ZEB1: variants seen among roughly 807,000 people sequenced by gnomAD.
ZEB1 encodes the protein zinc finger E-box binding homeobox 1.
In ZEB1, 21 loss-of-function variants were observed where a neutral mutation model predicts 84.9. The ratio of observed to expected loss-of-function variants is 0.25; its 90% CI spans 0.18 to 0.36. The LOEUF (loss-of-function observed/expected upper bound fraction) is 0.36, where lower values mean the gene tolerates loss of function less well. Among genes scored for constraint, ZEB1 ranks in the 10% least tolerant of loss-of-function variants. ZEB1 has a pLI of 1.00. For synonymous variants in ZEB1, 420 were observed against 471.1 expected (o/e 0.89, Z 1.41); for missense variants, 1,104 against 1,330.2 (o/e 0.83, Z 2.65).
At chr10:31,394,338 C>T (rs1437764016) in intron 1 of ZEB1, among the ~76,000 whole-genome samples, 1 of 152,120 alleles carries the variant, frequency 6.6e-6, no homozygotes, top group African/African-American at 2.4e-5. Flanking sequence ...AGCCTTTGGG[C>T]TTTAGCTTGA....
chr10:31,382,006 C>CAAAAAAAAAAA (rs535534850), intron 1 of ZEB1, among the ~76,000 whole-genome samples: 12 of 40,782 alleles, frequency 2.9e-4, no homozygotes, highest in African/African-American at 4.5e-4. Flanking sequence ...GAGACTGTCT[C>CAAAAAAAAAAA]AAAAAAAAAA....
At chr10:31,357,205 C>A (rs1026810488) in intron 1 of ZEB1, among the ~76,000 whole-genome samples, 5 of 152,012 alleles carry the variant, frequency 3.3e-5, no homozygotes, top group Non-Finnish European at 7.4e-5. Context: ...AAACTAAGTT[C>A]AAAAAGAAAT....
At chr10:31,524,180 CTA>C in intron 8 of ZEB1, 67 bp downstream of exon 8, 3 of 1,414,720 alleles carry the variant, frequency 2.1e-6, no homozygotes, top group Non-Finnish European at 2.9e-6. Context: ...AAATTAAAAA[CTA>C]AAGTTTTAGA....
intron 1 of ZEB1, chr10:31,362,911 A>T: frequency 4.8e-6 from 7 of 1,463,446 alleles, no homozygotes; most frequent in Non-Finnish European, 6.5e-6. Context: ...GTTCTTACGC[A>T]TGTTGCCATG....
At chr10:31,347,658 C>A (rs2040543424) in intron 1 of ZEB1, among the ~76,000 whole-genome samples, 1 of 152,048 alleles carries the variant, frequency 6.6e-6, no homozygotes, top group Non-Finnish European at 1.5e-5. Context: ...TTTTAAATTT[C>A]TTCATTATAG....
chr10:31,513,597 G>C (rs894099958), intron 5 of ZEB1, among the ~76,000 whole-genome samples: 1 of 152,152 alleles, frequency 6.6e-6, no homozygotes, highest in Admixed American at 6.5e-5. Flanking sequence ...TTTCCTTCCT[G>C]TATAAAAGGC....
intron 2 of ZEB1, among the ~76,000 whole-genome samples, chr10:31,463,099 T>C (rs1230785152): frequency 6.6e-6 from 1 of 152,158 alleles, no homozygotes; most frequent in African/African-American, 2.4e-5. Flanking sequence ...AAGGGTTTCT[T>C]ATGTATTTCT....
At chr10:31,506,284 C>T (rs1618092) in intron 4 of ZEB1, among the ~76,000 whole-genome samples, 64,289 of 151,808 alleles carry the variant, frequency 0.42, 16,509 homozygotes, top group Admixed American at 0.58. Context: ...CACATCCATT[C>T]GGTATAAAAT....
intron 2 of ZEB1, among the ~76,000 whole-genome samples, chr10:31,488,478 A>G (rs1210833219): frequency 6.9e-6 from 1 of 144,456 alleles, no homozygotes; most frequent in Non-Finnish European, 1.5e-5. Flanking sequence ...AGTTTTGTCC[A>G]TTGCATTGAT....
intron 1 of ZEB1, among the ~76,000 whole-genome samples, chr10:31,451,632 A>T (rs2060579480): frequency 6.6e-6 from 1 of 152,232 alleles, no homozygotes; most frequent in African/African-American, 2.4e-5. Context: ...CAACACAAAA[A>T]GGAATCATCT....
chr10:31,449,589 C>A (rs955323903), intron 1 of ZEB1, among the ~76,000 whole-genome samples: 15 of 152,058 alleles, frequency 9.9e-5, no homozygotes, highest in Admixed American at 9.2e-4. Context: ...ATTTTCCCCC[C>A]ACTAATTTGC....
chr10:31,369,654 A>G (rs1260981146), intron 1 of ZEB1, among the ~76,000 whole-genome samples: 4 of 152,224 alleles, frequency 2.6e-5, no homozygotes, highest in East Asian at 1.9e-4. Flanking sequence ...TAATGCAACA[A>G]TGAACATAGG....
At chr10:31,440,029 A>G (rs1017458373) in intron 1 of ZEB1, among the ~76,000 whole-genome samples, 2 of 152,180 alleles carry the variant, frequency 1.3e-5, no homozygotes, top group Admixed American at 1.3e-4. Context: ...GAAGTGAGAG[A>G]TGATGGTACC....
rs77071653 is a variant in ZEB1 at position 31,498,177 on chromosome 10, T to C, written c.322+2339T>C. ...AAAGACCAGGACATTTGCTTTATAA[T>C]TGACCTTTTCAAGATGTGCATTTCC... On this transcript the variant is annotated intron_variant, in intron 3 of 8. Transcript: ENST00000424869. Among the ~76,000 whole-genome samples the C allele has an allele frequency of 8.0e-3, 1,211 of 152,192 alleles. 21 individuals are homozygous for C. Among genetic ancestry groups the C allele is most frequent in the African/African-American group, 0.028 (1,160 of 41,546 alleles).
chr10:31,511,920 G>A (rs2070122227), intron 5 of ZEB1, among the ~76,000 whole-genome samples: 1 of 152,134 alleles, frequency 6.6e-6, no homozygotes, highest in African/African-American at 2.4e-5. Context: ...AAGATAATAA[G>A]AAGAGGGTGG....
intron 1 of ZEB1, among the ~76,000 whole-genome samples, chr10:31,455,879 C>G (rs1056070919): frequency 3.2e-4 from 48 of 152,120 alleles, no homozygotes; most frequent in African/African-American, 1.1e-3. Context: ...ACTACAAATA[C>G]CATTTGACCC....
chr10:31,337,007 G>A (rs1352482157), intron 1 of ZEB1, among the ~76,000 whole-genome samples: 1 of 152,118 alleles, frequency 6.6e-6, no homozygotes, highest in African/African-American at 2.4e-5. Flanking sequence ...GGTAATGTAT[G>A]TAGTTGTTTA....
chr10:31,508,492 A>G (rs1258331563), intron 4 of ZEB1, among the ~76,000 whole-genome samples: 1 of 152,012 alleles, frequency 6.6e-6, no homozygotes, highest in Non-Finnish European at 1.5e-5. Flanking sequence ...TGCCAGCTGT[A>G]GTGATAGTAG....
chr10:31,415,298 T>C (rs2135906792), intron 1 of ZEB1, among the ~76,000 whole-genome samples: 1 of 152,242 alleles, frequency 6.6e-6, no homozygotes, highest in East Asian at 1.9e-4. Context: ...GATGATACCC[T>C]AAGAATTCTA....
Sources: allele counts gnomAD v4.1 joint callset (sites outside exome capture counted in the v4.1 genomes callset), GRCh38; gene constraint gnomAD v4.1.1; transcripts MANE v1.5; gene names NCBI Gene and HGNC (gene_info 2026-07-23, HGNC 2026-07-21).